The following DAB1 variants were observed in gnomAD, a reference collection of about 807,000 sequenced individuals.
DAB1 encodes the protein DAB adaptor protein 1.
DAB1 carries 15 observed loss-of-function variants against 64.6 expected under a neutral mutation model. That is an observed-to-expected ratio of 0.23 (90% CI 0.16 to 0.36). The LOEUF (loss-of-function observed/expected upper bound fraction) is 0.36, where lower values mean the gene tolerates loss of function less well. Among genes scored for constraint, DAB1 ranks in the 10% least tolerant of loss-of-function variants. DAB1 has a pLI of 1.00. For synonymous variants in DAB1, 235 were observed against 251.9 expected, an observed-to-expected ratio of 0.93 and a Z score of 0.64; for missense variants, 596 against 706.7, an observed-to-expected ratio of 0.84 and a Z score of 1.78.
At chr1:57,192,416 T>C (rs1031621000) in intron 2 of DAB1, among the ~76,000 whole-genome samples, 1 of 152,018 alleles carries the variant, frequency 6.6e-6, no homozygotes, top group Non-Finnish European at 1.5e-5. Flanking sequence ...ATGTATGCCT[T>C]TGGGTAAATG....
intron 5 of DAB1, among the ~76,000 whole-genome samples, chr1:57,919,786 A>G (rs1557556421): frequency 6.6e-6 from 1 of 152,112 alleles, no homozygotes; most frequent in Non-Finnish European, 1.5e-5. Flanking sequence ...GATGAGGGGG[A>G]GCCTTATTCA....
At position 57,581,118 on chromosome 1, in the gene DAB1, G is replaced by A. The variant is rs183584605; in HGVS notation, n.625+68474C>T. 1.4e-4 allele frequency among the ~76,000 whole-genome samples: 21 copies of A among 152,330 alleles called. No homozygotes were observed. In the East Asian group the frequency reaches 4.1e-3, roughly 29 times the overall value. ...ACCTGCTGGTTTTATCTGTGAGGCTGGTGGAACTCCTTGTCAAACATCCAG... is the reference window on the plus strand; with the variant it reads ...ACCTGCTGGTTTTATCTGTGAGGCTAGTGGAACTCCTTGTCAAACATCCAG... On this transcript the variant is annotated intron_variant and non_coding_transcript_variant, in intron 7 of 20. Transcript: ENST00000485760.
intron 9 of DAB1, among the ~76,000 whole-genome samples, chr1:57,037,501 A>C (rs1647209547): frequency 6.6e-6 from 1 of 152,232 alleles, no homozygotes; most frequent in Admixed American, 6.5e-5. Flanking sequence ...AAAAACACAA[A>C]ACGAAACAAA....
chr1:57,330,221 T>C (rs1355506771), intron 1 of DAB1, among the ~76,000 whole-genome samples: 3 of 152,156 alleles, frequency 2.0e-5, no homozygotes, highest in Non-Finnish European at 4.4e-5. Flanking sequence ...ACTGTGGTAG[T>C]AAAGGAGGGG....
At chr1:58,133,251 T>A (rs761778914) in intron 5 of DAB1, among the ~76,000 whole-genome samples, 26 of 152,210 alleles carry the variant, frequency 1.7e-4, no homozygotes, top group Admixed American at 7.9e-4. Context: ...GTGCTATTTA[T>A]GGTCTCTGTG....
chr1:58,491,419 A>G (rs1645686831), intron 3 of DAB1, among the ~76,000 whole-genome samples: 1 of 152,324 alleles, frequency 6.6e-6, no homozygotes, highest in South Asian at 2.1e-4. Flanking sequence ...TAACAATATT[A>G]ACCTTAAATG....
At chr1:57,231,756 TTC>T (rs951302723) in intron 2 of DAB1, among the ~76,000 whole-genome samples, 1 of 152,228 alleles carries the variant, frequency 6.6e-6, no homozygotes, top group African/African-American at 2.4e-5. Flanking sequence ...AAAACCTTTT[TTC>T]TCTCTACTAA....
chr1:57,693,481 CT>C (rs1267953700), intron 6 of DAB1, among the ~76,000 whole-genome samples: 5 of 148,820 alleles, frequency 3.4e-5, no homozygotes, highest in African/African-American at 1.3e-4. Context: ...GCACTAAGCA[CT>C]CTGTAAAATG....
intron 2 of DAB1, among the ~76,000 whole-genome samples, chr1:58,513,151 T>TCCC (rs1459763747): frequency 6.6e-6 from 1 of 152,004 alleles, no homozygotes; most frequent in Non-Finnish European, 1.5e-5. Context: ...TGACAGCAGT[T>TCCC]CCCCCATGCT....
chr1:57,318,104 C>T (rs1675371327), intron 1 of DAB1, among the ~76,000 whole-genome samples: 1 of 147,994 alleles, frequency 6.8e-6, no homozygotes, highest in Non-Finnish European at 1.5e-5. Context: ...CACACAGCAT[C>T]TCTCACTTTG....
At chr1:57,900,313 G>A (rs146635323) in intron 5 of DAB1, among the ~76,000 whole-genome samples, 268 of 152,308 alleles carry the variant, frequency 1.8e-3, no homozygotes, top group African/African-American at 5.1e-3. Flanking sequence ...ACACTGGGGG[G>A]TATTGGGTGG....
intron 9 of DAB1, among the ~76,000 whole-genome samples, chr1:57,059,254 T>G (rs958693236): frequency 3.3e-5 from 5 of 152,092 alleles, no homozygotes; most frequent in Non-Finnish European, 1.5e-5. Flanking sequence ...ACATAGAGGA[T>G]CAGAGATGCA....
chr1:57,911,195 T>C lies in DAB1; in HGVS notation n.388-27033A>G, dbSNP rs113925288. Among the ~76,000 whole-genome samples the C allele has an allele frequency of 2.8e-3, 433 of 152,336 alleles. 4 individuals are homozygous for C. The highest frequency in any genetic ancestry group is 1.0e-2 in the African/African-American group (415 of 41,578). ...ACTGAGCAGGTCTAATGCCCCCAGG[T>C]GCAGTGCAAAAGCAGGAGAGGACAG... On this transcript the variant is annotated intron_variant and non_coding_transcript_variant, in intron 5 of 20. Coordinates refer to the DAB1 transcript ENST00000485760.
chr1:58,186,935 C>A (rs531081194), intron 4 of DAB1, among the ~76,000 whole-genome samples: 1 of 152,288 alleles, frequency 6.6e-6, no homozygotes, highest in East Asian at 1.9e-4. Flanking sequence ...TTGATAATAT[C>A]TTGTTGGCTA....
intron 4 of DAB1, among the ~76,000 whole-genome samples, chr1:58,308,925 A>G (rs1191514996): frequency 6.6e-6 from 1 of 152,148 alleles, no homozygotes; most frequent in Non-Finnish European, 1.5e-5. Context: ...TCCTTCATTT[A>G]TTTCACAAGC....
At chr1:57,502,450 CAG>C (rs1325116062) in intron 7 of DAB1, among the ~76,000 whole-genome samples, 6 of 151,896 alleles carry the variant, frequency 4.0e-5, no homozygotes, top group African/African-American at 1.5e-4. Context: ...AGGCATATTC[CAG>C]TTTAACTTTC....
At position 57,441,265 on chromosome 1, in the gene DAB1, TTTC is replaced by T. The variant is rs1407015122; in HGVS notation, n.626-150102_626-150100del. Among the ~76,000 whole-genome samples the T allele has an allele frequency of 3.3e-3, 135 of 41,176 alleles. 2 individuals carry two copies. The highest frequency in any genetic ancestry group is 4.5e-3 in the Non-Finnish European group (67 of 14,882). 27.0% of individuals were successfully genotyped at this position (41,176 alleles called of 152,430 possible). A position where few individuals can be genotyped will look rare whatever the true frequency, so the allele number is the denominator to read the frequency against. On this transcript the variant is annotated intron_variant and non_coding_transcript_variant, in intron 7 of 20. Transcript: ENST00000485760. ...CAATCTTTTCTTTTCTTTTCTTTTCTTTCTTTCTCTTTCTTTCTTTCTTTCTTT... is the reference window on the plus strand; with the variant it reads ...CAATCTTTTCTTTTCTTTTCTTTTCTTTTCTCTTTCTTTCTTTCTTTCTTT...
chr1:57,589,910 A>C (rs1645423835), intron 7 of DAB1, among the ~76,000 whole-genome samples: 1 of 152,234 alleles, frequency 6.6e-6, no homozygotes, highest in Non-Finnish European at 1.5e-5. Flanking sequence ...TATAGTAAGC[A>C]GTATAGGAGA....
chr1:57,189,761 G>A (rs758187933), intron 2 of DAB1, among the ~76,000 whole-genome samples: 4 of 150,862 alleles, frequency 2.7e-5, no homozygotes, highest in Non-Finnish European at 4.4e-5. Context: ...CCATTAAAAA[G>A]ACAGGCAGGC....
Sources: allele counts gnomAD v4.1 joint callset (sites outside exome capture counted in the v4.1 genomes callset), GRCh38; gene constraint gnomAD v4.1.1; transcripts MANE v1.5; gene names NCBI Gene and HGNC (gene_info 2026-07-23, HGNC 2026-07-21).